MYT1: variants seen among roughly 807,000 people sequenced by gnomAD.
The protein encoded by MYT1 is myelin transcription factor 1.
MYT1 carries 23 observed loss-of-function variants against 123.0 expected under a neutral mutation model. The observed-to-expected ratio is 0.19, with a 90% CI of 0.13 to 0.26. The LOEUF is 0.26. Ranked by LOEUF, MYT1 falls within the 10% of genes least tolerant of loss-of-function variation. MYT1 has a pLI of 1.00. For missense variants in MYT1, 1,125 were observed against 1,472.5 expected, an observed-to-expected ratio of 0.76 and a Z score of 3.86; for synonymous variants, 518 against 575.3, an observed-to-expected ratio of 0.90 and a Z score of 1.43.
In MYT1 at chr20:64,203,824, G is replaced by C. The variant is rs1983397335; in HGVS notation, c.87-1211G>C. Among the ~76,000 whole-genome samples, 1 of 152,266 alleles carries C rather than the reference G, an allele frequency of 6.6e-6. No homozygotes were observed. The highest frequency in any genetic ancestry group is 1.5e-5 in the Non-Finnish European group (1 of 68,050). ...CAGAGGTGTCTGGATAGAGACTGGGGATGGCGTTCTTTTCCCCGGGTCCCA... is the reference window on the plus strand; with the variant it reads ...CAGAGGTGTCTGGATAGAGACTGGGCATGGCGTTCTTTTCCCCGGGTCCCA... On this transcript the variant is annotated intron_variant, in intron 4 of 22. Coordinates refer to ENST00000328439, the MANE Select transcript of MYT1 (RefSeq NM_004535.3). This position sits in a 1 kb window ranked among gnomAD's most constrained non-coding sequence, Gnocchi z 5.1.
Position 64,205,765 on chromosome 20 carries a change from G to T in MYT1, c.362G>T (p.Gly121Val), listed in dbSNP as rs765937792. The change falls in exon 6 of 23, where the codon GGA (glycine) becomes GTA (valine). Residue 121 changes from glycine to valine, a missense_variant. Physicochemically the swap from Gly to Val is moderately radical, Grantham distance 109 (BLOSUM62 -3). This residue lies in a region of MYT1 where 406 missense variants were observed against 432.2 expected (regional missense o/e 0.94). Transcript: ENST00000328439. The part of the protein sequence containing the change: ...TLEGAEAETS[G>V]QDEIHRPETA... ...GAGGGGGCCGAGGCTGAGACGTCAG[G>T]ACAGGACGAGATTCATCGCCCCGAG... 6.2e-7 allele frequency: 1 copy of T among 1,614,146 alleles called. No homozygotes were observed. Among genetic ancestry groups the T allele is most frequent in the Non-Finnish European group, 8.5e-7 (1 of 1,180,034 alleles).
chr20:64,225,218 A>G (rs1261987502), intron 16 of MYT1, among the ~76,000 whole-genome samples: 4 of 151,952 alleles, frequency 2.6e-5, no homozygotes, highest in African/African-American at 9.7e-5. Context: ...TGGTGTACCA[A>G]CCTCCTTGCT....
intron 19 of MYT1, among the ~76,000 whole-genome samples, chr20:64,233,961 G>C (rs998338989): frequency 6.6e-6 from 1 of 152,228 alleles, no homozygotes; most frequent in African/African-American, 2.4e-5. Flanking sequence ...CTTTCACTGT[G>C]AGTGAGGGCC....
chr20:64,227,338 C>T, intron 16 of MYT1, 77 bp from the exon 17 acceptor site: 1 of 1,413,298 alleles, frequency 7.1e-7, no homozygotes. Context: ...GAAGGCTTTC[C>T]TCTGGGGGTC....
At chr20:64,200,909 A>G (rs535984415) in intron 4 of MYT1, among the ~76,000 whole-genome samples, 1 of 152,332 alleles carries the variant, frequency 6.6e-6, no homozygotes, top group African/African-American at 2.4e-5. Flanking sequence ...GCTCCCCAGA[A>G]CACAGTCCCC....
chr20:64,168,084 G>C lies in MYT1; in HGVS notation c.-99+3345G>C, dbSNP rs962450673. Among the ~76,000 whole-genome samples, 1 of 152,196 alleles carries C rather than the reference G, an allele frequency of 6.6e-6. No individual in the cohort carries two copies. The highest frequency in any genetic ancestry group is 1.5e-5 in the Non-Finnish European group (1 of 68,038). On this transcript the variant is annotated intron_variant, in intron 1 of 22. Transcript: ENST00000328439. The surrounding 1 kb of genome is among the most constrained non-coding windows in gnomAD (Gnocchi z 6.1). ...CCTGGGGGGTGGAATGTGCTTTCAC[G>C]GCCTCTTGAGGTTCCCGGCATTTTT...
In MYT1 at chr20:64,218,617, G is replaced by A. The variant is rs193167235; in HGVS notation, c.1847-294G>A. 6.6e-6 allele frequency among the ~76,000 whole-genome samples: 1 copy of A among 152,242 alleles called. No homozygotes were observed. The highest frequency in any genetic ancestry group is 1.9e-4 in the East Asian group (1 of 5,180). On this transcript the variant is annotated intron_variant, in intron 11 of 22. Coordinates refer to ENST00000328439, the MANE Select transcript of MYT1 (RefSeq NM_004535.3). The surrounding 1 kb of genome is among the most constrained non-coding windows in gnomAD (Gnocchi z 4.0). The stretch of plus-strand genomic sequence containing the variant: ...CAAATTTTCACTGAGCCAGAAACAA[G>A]ATTGTCTCCTCAGTCCCCTAGAGGA...
chr20:64,197,441 T>C (rs1983156124), intron 2 of MYT1, among the ~76,000 whole-genome samples: 1 of 152,240 alleles, frequency 6.6e-6, no homozygotes. Flanking sequence ...TCCTTTCTTC[T>C]GCTACTTCTT....
chr20:64,235,816 G>C (rs1984512976), intron 19 of MYT1, among the ~76,000 whole-genome samples: 1 of 110,764 alleles, frequency 9.0e-6, no homozygotes, highest in Non-Finnish European at 1.8e-5. Flanking sequence ...GGCTGTGGTG[G>C]GTGACACTGG....
chr20:64,238,988 G>A (rs1442805449), intron 21 of MYT1, among the ~76,000 whole-genome samples: 2 of 152,198 alleles, frequency 1.3e-5, no homozygotes, highest in Non-Finnish European at 1.5e-5. Flanking sequence ...GAAGAAGCGT[G>A]CTTGACCCCA....
chr20:64,205,425 C>T, intron 5 of MYT1, 128 bp from the exon 6 acceptor site: 5 of 1,413,060 alleles, frequency 3.5e-6, no homozygotes, highest in African/African-American at 1.4e-5. Context: ...TGTCCGGGTT[C>T]CCTGCAAGGA....
At chr20:64,194,549 C>T (rs1051140416) in intron 2 of MYT1, among the ~76,000 whole-genome samples, 1 of 152,246 alleles carries the variant, frequency 6.6e-6, no homozygotes, top group Non-Finnish European at 1.5e-5. Flanking sequence ...TGTCCTTTGA[C>T]TGGCCCTGGG....
At chr20:64,171,327 G>A (rs1466709734) in intron 1 of MYT1, among the ~76,000 whole-genome samples, 2 of 152,176 alleles carry the variant, frequency 1.3e-5, no homozygotes, top group African/African-American at 4.8e-5. Context: ...CAGCCAGATA[G>A]GGAAAACAAA....
chr20:64,236,533 G>T (rs372669301), intron 19 of MYT1, 22 bp from the exon 20 acceptor site: 2 of 1,606,052 alleles, frequency 1.2e-6, no homozygotes, highest in Non-Finnish European at 1.7e-6. Context: ...GCTGGTGAAT[G>T]ATATGTGGCC....
In MYT1 at chr20:64,240,379, C is replaced by T. The variant is rs1187044677; in HGVS notation, c.3297C>T (p.Ser1099=). 2 of 1,614,062 alleles carry T rather than the reference C, an allele frequency of 1.2e-6. No homozygotes were observed. The highest frequency in any genetic ancestry group is 1.1e-5 in the South Asian group (1 of 91,084). The change falls in exon 23 of 23, where the codon TCC becomes TCT. Residue 1099 remains serine, a synonymous_variant. Coordinates refer to ENST00000328439, the MANE Select transcript of MYT1 (RefSeq NM_004535.3). ...TGAGCACCCTCACCGACATGTACTC[C>T]AACCAGGACCCGGAGAACAAGGACC... ...AYVSTLTDMY[S]NQDPENKDLL... is the part of the protein sequence containing the mutation.
At chr20:64,205,475 C>A in intron 5 of MYT1, 78 bp from the exon 6 acceptor site, 1 of 1,562,312 alleles carries the variant, frequency 6.4e-7, no homozygotes, top group Non-Finnish European at 8.7e-7. Flanking sequence ...GGAGGACCCT[C>A]GGGAGGGGCT....
chr20:64,219,970 G>A lies in MYT1; in HGVS notation c.2229G>A (p.Glu743=). 1.3e-6 allele frequency: 2 copies of A among 1,498,508 alleles called. No individual in the cohort carries two copies. The highest frequency in any genetic ancestry group is 1.8e-6 in the Non-Finnish European group (2 of 1,120,624). The allele number at this position is 1,498,508 out of a possible 1,614,324, so 92.8% of individuals were successfully genotyped here. A position where few individuals can be genotyped will look rare whatever the true frequency, so the allele number is the denominator to read the frequency against. ...CCAAGCCTAGCCGCCTGAGAGAGGA[G>A]GAACCTGAGGAGGTGGGTGCAGGCG... ...DYTKPSRLRE[E]EPEESEPAAH... Residue 743 remains glutamate, a synonymous_variant, in exon 13 of 23, where the codon GAG becomes GAA. Coordinates refer to ENST00000328439, the MANE Select transcript of MYT1 (RefSeq NM_004535.3).
chr20:64,187,533 G>T (rs1245486155), intron 1 of MYT1, among the ~76,000 whole-genome samples: 1 of 152,264 alleles, frequency 6.6e-6, no homozygotes, highest in Non-Finnish European at 1.5e-5. Context: ...TGTGGCACGT[G>T]GCCCCGGCAT....
rs1343661140 is a variant in MYT1 at position 64,239,862 on chromosome 20, G to T, written c.3196G>T (p.Ala1066Ser). The T allele has an allele frequency of 6.2e-7, 1 of 1,613,586 alleles. No individual in the cohort carries two copies. Among genetic ancestry groups the T allele is most frequent in the Non-Finnish European group, 8.5e-7 (1 of 1,180,048 alleles). ...LFLELSGLSQ[A>S]LIQSLANIRL... ...TCTGGAGCTGTCCGGCCTGAGCCAG[G>T]CCCTCATCCAAAGTCTCGCCAATAT... Residue 1066 changes from alanine (A) to serine (S), a missense_variant, in exon 22 of 23, where the codon GCC (alanine) becomes TCC (serine). By Grantham distance (99) the Ala-to-Ser change is moderately conservative. Coordinates refer to ENST00000328439, the MANE Select transcript of MYT1 (RefSeq NM_004535.3).
Sources: gnomAD v4.1 joint callset for allele counts (sites outside exome capture counted in the v4.1 genomes callset) on GRCh38, gnomAD v4.1.1 for gene constraint, gnomAD v4.1.1 regional missense constraint, Gnocchi (gnomAD v3.1) non-coding constraint, MANE v1.5 for transcripts, NCBI Gene and HGNC (gene_info 2026-07-23, HGNC 2026-07-21) for gene names.